The following CACNB2 variants were observed in gnomAD, a reference collection of about 807,000 sequenced individuals.
CACNB2 encodes calcium voltage-gated channel auxiliary subunit beta 2.
CACNB2 carries 42 observed loss-of-function variants against 73.3 expected under a neutral mutation model. The observed-to-expected ratio is 0.57, with a 90% CI of 0.45 to 0.74. The LOEUF (loss-of-function observed/expected upper bound fraction) is 0.74, where lower values mean the gene tolerates loss of function less well. Among genes scored for constraint, CACNB2 ranks in the 30% least tolerant of loss-of-function variants. CACNB2 has a pLI of 0.00. For synonymous variants in CACNB2, 348 were observed against 310.3 expected (o/e 1.12, Z -1.28); for missense variants, 940 against 853.0 (o/e 1.10, Z -1.27).
intron 2 of CACNB2, among the ~76,000 whole-genome samples, chr10:18,186,359 C>T (rs928173603): frequency 9.9e-5 from 15 of 151,272 alleles, no homozygotes; most frequent in Admixed American, 1.3e-4. Flanking sequence ...GCGGAGGCTG[C>T]GGTGAGCTGA....
Position 18,542,354 on chromosome 10 carries a change from C to T in CACNB2, c.*2630C>T, listed in dbSNP as rs952510139. On this transcript the variant is annotated 3_prime_UTR_variant, in exon 14 of 14. Coordinates refer to ENST00000324631, the MANE Select transcript of CACNB2 (RefSeq NM_201596.3). The stretch of plus-strand genomic sequence containing the variant: ...TGACAATTCTTACATTGGTAGGAAA[C>T]CATATTCTAATTAAAATTGAATTTA... 5 of 152,174 alleles carry T rather than the reference C, an allele frequency of 3.3e-5. No homozygotes were observed. Among genetic ancestry groups the T allele is most frequent in the African/African-American group, 9.6e-5 (4 of 41,522 alleles). 9.4% of individuals were successfully genotyped at this position (152,174 alleles called of 1,614,324 possible).
chr10:18,261,046 C>A, intron 2 of CACNB2: 3 of 1,396,828 alleles, frequency 2.1e-6, no homozygotes, highest in Non-Finnish European at 2.8e-6. Context: ...AAATTACGCC[C>A]CCCACCCCCA....
chr10:18,202,930 G>A, intron 2 of CACNB2, among the ~76,000 whole-genome samples: 1 of 152,142 alleles, frequency 6.6e-6, no homozygotes, highest in East Asian at 1.9e-4. Context: ...TATCTCTGTT[G>A]TTAAGCAAGA....
intron 2 of CACNB2, among the ~76,000 whole-genome samples, chr10:18,247,352 C>T (rs192312251): frequency 6.6e-6 from 1 of 152,302 alleles, no homozygotes; most frequent in East Asian, 1.9e-4. Context: ...GTCCAACTAA[C>T]ACCAATTCCC....
chr10:18,372,391 G>C (rs1250154990), intron 2 of CACNB2, among the ~76,000 whole-genome samples: 1 of 152,122 alleles, frequency 6.6e-6, no homozygotes. Context: ...TAAGGTATAA[G>C]GAAGGGGTCC....
chr10:18,430,724 T>G (rs2045849816), intron 3 of CACNB2, among the ~76,000 whole-genome samples: 1 of 152,192 alleles, frequency 6.6e-6, no homozygotes. Context: ...CTGTGATCTG[T>G]GTTGCTCTGA....
chr10:18,370,004 G>A (rs546431501), intron 2 of CACNB2, among the ~76,000 whole-genome samples: 4 of 152,338 alleles, frequency 2.6e-5, no homozygotes, highest in African/African-American at 9.6e-5. Context: ...TCCCAGTTCT[G>A]GAAGTCTTTT....
intron 12 of CACNB2, among the ~76,000 whole-genome samples, chr10:18,537,775 T>C (rs2053748119): frequency 1.3e-5 from 2 of 151,968 alleles, no homozygotes; most frequent in South Asian, 4.2e-4. Context: ...AGACTCTGTC[T>C]CAAAAAAAGA....
chr10:18,283,086 G>A (rs974436346), intron 2 of CACNB2, among the ~76,000 whole-genome samples: 13 of 152,124 alleles, frequency 8.5e-5, no homozygotes, highest in Non-Finnish European at 4.4e-5. Context: ...ATCATCACTG[G>A]CCATCAGAGA....
intron 6 of CACNB2, among the ~76,000 whole-genome samples, chr10:18,506,788 G>GTATTTATT (rs142902380): frequency 5.3e-4 from 80 of 149,668 alleles, no homozygotes; most frequent in South Asian, 3.1e-3. Context: ...AGTGATTAAT[G>GTATTTATT]TATTTATTTA....
At chr10:18,270,192 A>G (rs1286651854) in intron 2 of CACNB2, among the ~76,000 whole-genome samples, 3 of 152,200 alleles carry the variant, frequency 2.0e-5, no homozygotes, top group Non-Finnish European at 2.9e-5. Flanking sequence ...GAGAGTAGAG[A>G]GCAAAGGGGG....
chr10:18,460,981 G>A (rs1394217683), intron 3 of CACNB2, among the ~76,000 whole-genome samples: 1 of 152,048 alleles, frequency 6.6e-6, no homozygotes, highest in East Asian at 1.9e-4. Context: ...CCAAGCTGGA[G>A]GGCAATGGCG....
intron 2 of CACNB2, among the ~76,000 whole-genome samples, chr10:18,280,013 A>C (rs943964733): frequency 6.6e-6 from 1 of 152,206 alleles, no homozygotes; most frequent in African/African-American, 2.4e-5. Context: ...CAGGAGGTGG[A>C]GGTTGCTGTG....
chr10:18,535,704 T>C (rs12247061), intron 11 of CACNB2, among the ~76,000 whole-genome samples: 112,516 of 151,604 alleles, frequency 0.74, 41,950 homozygotes, highest in East Asian at 0.97. Flanking sequence ...ACCTGGGAGG[T>C]GGAGCTTGCA....
chr10:18,221,568 C>A (rs2489200), intron 2 of CACNB2, among the ~76,000 whole-genome samples: 94,316 of 151,896 alleles, frequency 0.62, 30,347 homozygotes, highest in Non-Finnish European at 0.71. Context: ...AGTCCCAGCT[C>A]CTTGGGAGGC....
Position 18,470,334 on chromosome 10 carries a change from A to G in CACNB2, c.334-28021A>G, listed in dbSNP as rs527622941. Among the ~76,000 whole-genome samples, 8 of 149,208 alleles carry G rather than the reference A, an allele frequency of 5.4e-5. No homozygotes were observed. In the South Asian group the frequency reaches 1.7e-3, roughly 31 times the overall value. On this transcript the variant is annotated intron_variant, in intron 3 of 13. Coordinates refer to ENST00000324631, the MANE Select transcript of CACNB2 (RefSeq NM_201596.3). Reference sequence around the variant, plus strand: ...ATAATATATATATTGTATATAATGTATAGTATATATCATATAGACTGTGAT... The same window carrying G: ...ATAATATATATATTGTATATAATGTGTAGTATATATCATATAGACTGTGAT...
At chr10:18,403,115 T>A (rs2044094339) in intron 3 of CACNB2, among the ~76,000 whole-genome samples, 1 of 152,340 alleles carries the variant, frequency 6.6e-6, no homozygotes, top group Middle Eastern at 3.4e-3. Flanking sequence ...ATCAGAATGA[T>A]GTTCTTACCT....
intron 2 of CACNB2, among the ~76,000 whole-genome samples, chr10:18,284,958 G>T (rs2038723093): frequency 6.6e-6 from 1 of 152,022 alleles, no homozygotes; most frequent in Non-Finnish European, 1.5e-5. Context: ...ACGAACATAA[G>T]AAATTCAATG....
At chr10:18,391,354 T>C (rs1436142386) in intron 2 of CACNB2, among the ~76,000 whole-genome samples, 1 of 152,236 alleles carries the variant, frequency 6.6e-6, no homozygotes, top group Non-Finnish European at 1.5e-5. Flanking sequence ...TTTAAGAATG[T>C]TTAGGAATGC....
Sources: gnomAD v4.1 joint callset for allele counts (sites outside exome capture counted in the v4.1 genomes callset) on GRCh38, gnomAD v4.1.1 for gene constraint, MANE v1.5 for transcripts, NCBI Gene and HGNC (gene_info 2026-07-23, HGNC 2026-07-21) for gene names.